HYDIN: variants seen among roughly 807,000 people sequenced by gnomAD.
HYDIN encodes the protein HYDIN axonemal central pair apparatus protein.
A neutral mutation model predicts 403.9 loss-of-function variants in HYDIN; 132 were observed. That is an observed-to-expected ratio of 0.33 (90% CI 0.28 to 0.38). The LOEUF is 0.38. Among genes scored for constraint, HYDIN ranks in the 10% least tolerant of loss-of-function variants. HYDIN has a pLI of 1.00. For missense variants in HYDIN, 2,827 were observed against 5,009.5 expected (o/e 0.56, Z 13.15); for synonymous variants, 1,202 against 1,891.7 (o/e 0.64, Z 9.46).
chr16:70,859,258 G>A (rs1175911466), intron 71 of HYDIN, among the ~76,000 whole-genome samples: 5 of 151,932 alleles, frequency 3.3e-5, no homozygotes, highest in Admixed American at 6.6e-5. Flanking sequence ...CCGAGATCGC[G>A]CCACTGCACT....
intron 11 of HYDIN, among the ~76,000 whole-genome samples, chr16:71,089,567 A>T (rs534951641): frequency 6.6e-6 from 1 of 152,226 alleles, no homozygotes. Context: ...TTCCCAGAAG[A>T]AGTCAGATGC....
At chr16:71,217,925 G>A (rs910596280) in intron 1 of HYDIN, among the ~76,000 whole-genome samples, 10 of 152,256 alleles carry the variant, frequency 6.6e-5, no homozygotes, top group Non-Finnish European at 1.2e-4. Context: ...GTGCTGAATC[G>A]TTGTTGAAAA....
In HYDIN at chr16:70,896,070, G is replaced by A; in HGVS notation, c.9059C>T (p.Ala3020Val). ...CTGAACAACACCAAGAAGATTTTCTGCATCTAAAACCTGGCAGGGAAAGGG... is the reference window on the plus strand; with the variant it reads ...CTGAACAACACCAAGAAGATTTTCTACATCTAAAACCTGGCAGGGAAAGGG... ...KKAIRLEVLDAENLLGVVQIE... is the reference protein window; with the variant it reads ...KKAIRLEVLDVENLLGVVQIE... Residue 3020 changes from alanine to valine, a missense_variant, in exon 54 of 86, where the codon GCA becomes GTA. Transcript: ENST00000393567. 6.2e-7 allele frequency: 1 copy of A among 1,613,540 alleles called. No individual in the cohort carries two copies.
Position 71,179,121 on chromosome 16 carries a change from A to G in HYDIN, c.262-74T>C, listed in dbSNP as rs143914561. The G allele has an allele frequency of 4.2e-5, 48 of 1,155,168 alleles. No individual in the cohort carries two copies. In the East Asian group the frequency reaches 1.0e-3, roughly 25 times the overall value. 71.6% of individuals were successfully genotyped at this position (1,155,168 alleles called of 1,614,324 possible). A position where few individuals can be genotyped will look rare whatever the true frequency, so the allele number is the denominator to read the frequency against. On this transcript the variant is annotated intron_variant, in intron 3 of 85. Transcript: ENST00000393567. ...TGACTGGGGAAGATAAGAAAATACT[A>G]CGTAGACCTGTGGATATTAAAACTA...
chr16:70,905,363 G>A (rs1022310421), intron 50 of HYDIN, among the ~76,000 whole-genome samples: 1 of 152,058 alleles, frequency 6.6e-6, no homozygotes, highest in Non-Finnish European at 1.5e-5. Flanking sequence ...AAGTGAACAG[G>A]CTTGGCACAG....
chr16:70,820,071 C>A (rs868682580), intron 83 of HYDIN, among the ~76,000 whole-genome samples: 4 of 149,398 alleles, frequency 2.7e-5, no homozygotes, highest in Non-Finnish European at 5.9e-5. Context: ...CCGCCCGCCT[C>A]GGCCTCCCAA....
rs201827020 is a variant in HYDIN, at chr16:70,962,049, G to A, written c.5878C>T (p.Leu1960=). The change falls in exon 38 of 86, where the codon CTG becomes TTG. Residue 1960 remains leucine, a synonymous_variant. Transcript: ENST00000393567. ...LSRGISVTSN[L]EEWHALLVES... ...ACCAACAGGGCGTGCCATTCTTCCA[G>A]GTTGGATGTGACAGAGATCCCTCGG... is the stretch of plus-strand genomic sequence containing the variant. The A allele has an allele frequency of 2.3e-3, 2,595 of 1,119,064 alleles. 3 individuals are homozygous for A. Among genetic ancestry groups the A allele is most frequent in the Middle Eastern group, 7.6e-3 (36 of 4,718 alleles). 69.3% of individuals were successfully genotyped at this position (1,119,064 alleles called of 1,614,324 possible). A position where few individuals can be genotyped will look rare whatever the true frequency, so the allele number is the denominator to read the frequency against.
intron 6 of HYDIN, among the ~76,000 whole-genome samples, chr16:71,153,201 A>C (rs1415310488): frequency 6.6e-6 from 1 of 152,188 alleles, no homozygotes; most frequent in African/African-American, 2.4e-5. Flanking sequence ...TCAAAAGAAC[A>C]GTGCCTTCAA....
intron 1 of HYDIN, among the ~76,000 whole-genome samples, chr16:71,192,438 C>A (rs907504586): frequency 2.6e-5 from 4 of 151,954 alleles, no homozygotes; most frequent in African/African-American, 9.7e-5. Flanking sequence ...TCGTTTCGTC[C>A]GGAACACTCT....
intron 8 of HYDIN, chr16:71,133,147 G>A (rs1157579457): frequency 2.4e-6 from 1 of 424,630 alleles, no homozygotes; most frequent in African/African-American, 2.1e-5. Flanking sequence ...CTCAAGGCCT[G>A]TAATCTGCTC....
intron 1 of HYDIN, among the ~76,000 whole-genome samples, chr16:71,210,199 C>T (rs1375501014): frequency 1.3e-5 from 2 of 152,282 alleles, no homozygotes; most frequent in African/African-American, 2.4e-5. Flanking sequence ...ACCATAAAGA[C>T]ACATGCACAC....
In HYDIN at chr16:70,851,455, G is replaced by A. The variant is rs909990062; in HGVS notation, c.12444-800C>T. 3.3e-5 allele frequency among the ~76,000 whole-genome samples: 5 copies of A among 149,500 alleles called. 1 individual carries two copies. Among genetic ancestry groups the A allele is most frequent in the African/African-American group, 1.3e-4 (5 of 38,936 alleles). On this transcript the variant is annotated intron_variant, in intron 73 of 85. Transcript: ENST00000393567. ...CTTCTCAAAAGGAAACAGAAAAGTG[G>A]CCAACAAACGTATAAAGAAATGCTT... is the stretch of plus-strand genomic sequence containing the variant.
chr16:71,146,053 T>A (rs997820723), intron 7 of HYDIN, among the ~76,000 whole-genome samples: 34 of 152,372 alleles, frequency 2.2e-4, no homozygotes, highest in Middle Eastern at 3.4e-3. Context: ...TTATAAATTA[T>A]ACCCATATGC....
chr16:70,885,780 A>T (rs925169688), intron 58 of HYDIN, among the ~76,000 whole-genome samples: 5 of 152,186 alleles, frequency 3.3e-5, no homozygotes, highest in Non-Finnish European at 7.3e-5. Context: ...TTATAGAAAC[A>T]TATGTAGAAA....
At chr16:71,021,460 C>A (rs2080490740) in intron 21 of HYDIN, among the ~76,000 whole-genome samples, 1 of 152,004 alleles carries the variant, frequency 6.6e-6, no homozygotes, top group African/African-American at 2.4e-5. Flanking sequence ...CATGATCCAC[C>A]CGCCTCAGCC....
At chr16:70,858,714 T>C (rs1452772166) in intron 71 of HYDIN, among the ~76,000 whole-genome samples, 2 of 152,120 alleles carry the variant, frequency 1.3e-5, no homozygotes, top group African/African-American at 4.8e-5. Context: ...GACTGTCACT[T>C]AAAGACCAGC....
intron 7 of HYDIN, among the ~76,000 whole-genome samples, chr16:71,151,919 T>C: frequency 6.6e-6 from 1 of 152,200 alleles, no homozygotes; most frequent in South Asian, 2.1e-4. Flanking sequence ...TCCTGTAAGA[T>C]GTTATGTAGG....
rs978270132 is a variant in HYDIN, at chr16:70,803,868, G to C, written c.*3712C>G. On this transcript the variant is annotated 3_prime_UTR_variant, in exon 86 of 86. Transcript: ENST00000393567. ...GGGGGCCCAGTGTGGAACGAGGCCA[G>C]GGAGCCCCATTCCCATGGTATTCTG... 1.3e-5 allele frequency among the ~76,000 whole-genome samples: 2 copies of C among 151,810 alleles called. No homozygotes were observed. Among genetic ancestry groups the C allele is most frequent in the Admixed American group, 6.5e-5 (1 of 15,270 alleles).
Position 70,897,350 on chromosome 16 carries a change from C to A in HYDIN, c.9049-1270G>T, listed in dbSNP as rs143822107. Among the ~76,000 whole-genome samples the A allele has an allele frequency of 4.4e-3, 676 of 152,296 alleles. 3 individuals are homozygous for A. The highest frequency in any genetic ancestry group is 0.015 in the African/African-American group (634 of 41,542). ...CAGTTGAAAGCCCAAGCCACCCACT[C>A]CCTATTGCATGTGCTTTGGGTGCCA... On this transcript the variant is annotated intron_variant, in intron 53 of 85. Coordinates refer to ENST00000393567, the MANE Select transcript of HYDIN (RefSeq NM_001270974.2).
Sources: allele counts gnomAD v4.1 joint callset (sites outside exome capture counted in the v4.1 genomes callset), GRCh38; gene constraint gnomAD v4.1.1; transcripts MANE v1.5; gene names NCBI Gene and HGNC (gene_info 2026-07-23, HGNC 2026-07-21).